Variants in PDE11A observed in about 807,000 individuals in gnomAD.
PDE11A encodes the protein phosphodiesterase 11A, also known as dual 3',5'-cyclic-AMP and -GMP phosphodiesterase 11A.
PDE11A carries 100 observed loss-of-function variants against 100.5 expected under a neutral mutation model. The ratio of observed to expected loss-of-function variants is 1.00; its 90% CI spans 0.85 to 1.18. PDE11A has a LOEUF of 1.18. PDE11A is among the 50% of genes most tolerant of loss of function. The pLI is 0.00. For missense variants in PDE11A, 1,141 were observed against 1,152.6 expected, an observed-to-expected ratio of 0.99 and a Z score of 0.15; for synonymous variants, 381 against 420.8, an observed-to-expected ratio of 0.91 and a Z score of 1.16.
At chr2:177,646,797 T>C (rs2080230107) in intron 19 of PDE11A, among the ~76,000 whole-genome samples, 1 of 152,252 alleles carries the variant, frequency 6.6e-6, no homozygotes, top group Admixed American at 6.5e-5. Flanking sequence ...GTGCATCTTT[T>C]ATCTTTGACT....
intron 1 of PDE11A, among the ~76,000 whole-genome samples, chr2:178,017,530 G>A (rs989688467): frequency 3.9e-5 from 6 of 152,108 alleles, no homozygotes; most frequent in Non-Finnish European, 7.3e-5. Flanking sequence ...TGTAGCAAAA[G>A]TATAAAAGCA....
At chr2:177,982,111 G>A (rs546880532) in intron 2 of PDE11A, among the ~76,000 whole-genome samples, 4 of 151,072 alleles carry the variant, frequency 2.6e-5, no homozygotes, top group Non-Finnish European at 5.9e-5. Flanking sequence ...ACGAATGGAA[G>A]AGAACGGCTC....
At chr2:177,919,500 T>G (rs1314805415) in intron 2 of PDE11A, among the ~76,000 whole-genome samples, 1 of 152,174 alleles carries the variant, frequency 6.6e-6, no homozygotes, top group Non-Finnish European at 1.5e-5. Flanking sequence ...ATAAACTGAT[T>G]GTTCAATGTT....
At chr2:177,727,356 CAAAAAGATTACTTT>C (rs956851954) in intron 12 of PDE11A, among the ~76,000 whole-genome samples, 4 of 152,024 alleles carry the variant, frequency 2.6e-5, no homozygotes, top group African/African-American at 9.7e-5. Flanking sequence ...ATTTCCTCTG[CAAAAAGATTACTTT>C]AAAAATCTGA....
chr2:177,896,578 G>A (rs2084615491), intron 4 of PDE11A, among the ~76,000 whole-genome samples: 1 of 152,090 alleles, frequency 6.6e-6, no homozygotes, highest in Non-Finnish European at 1.5e-5. Flanking sequence ...TTTGTTTAAT[G>A]GGGGCTTCTC....
intron 2 of PDE11A, among the ~76,000 whole-genome samples, chr2:177,996,589 G>A (rs2086079063): frequency 2.0e-5 from 3 of 151,714 alleles, no homozygotes; most frequent in Non-Finnish European, 4.4e-5. Flanking sequence ...CATAATATAT[G>A]GAAAAAAGTT....
chr2:177,999,164 T>C (rs916023728), intron 2 of PDE11A, among the ~76,000 whole-genome samples: 1 of 152,076 alleles, frequency 6.6e-6, no homozygotes, highest in Non-Finnish European at 1.5e-5. Flanking sequence ...GCAATGGACA[T>C]TTATAGGTTC....
chr2:177,828,784 G>T (rs1443620812), intron 6 of PDE11A, among the ~76,000 whole-genome samples: 1 of 152,176 alleles, frequency 6.6e-6, no homozygotes, highest in Non-Finnish European at 1.5e-5. Flanking sequence ...GTGCCAGATG[G>T]TGTATGGCAT....
intron 2 of PDE11A, among the ~76,000 whole-genome samples, chr2:178,005,781 C>CACTGTA (rs1204743208): frequency 2.6e-5 from 4 of 152,212 alleles, no homozygotes; most frequent in Non-Finnish European, 4.4e-5. Context: ...CCAGATTCAG[C>CACTGTA]ACTGTAACAG....
At position 177,728,315 on chromosome 2, in the gene PDE11A, T is replaced by C. The variant is rs1032175795; in HGVS notation, c.1789-143A>G. ...ACCCTGATACAGCTAAACTCTGAGC[T>C]GTAAATGTCTTTTGTTTCTGAACTG... is the stretch of plus-strand genomic sequence containing the variant. On this transcript the variant is annotated intron_variant, in intron 10 of 19. Transcript: ENST00000286063. 5 of 569,550 alleles carry C rather than the reference T, an allele frequency of 8.8e-6. No individual in the cohort carries two copies. The African/African-American group carries it at 1.0e-4, about 12-fold the overall frequency. 35.3% of individuals were successfully genotyped at this position (569,550 alleles called of 1,614,324 possible). A position where few individuals can be genotyped will look rare whatever the true frequency, so the allele number is the denominator to read the frequency against.
At chr2:177,790,198 T>C (rs924209494) in intron 9 of PDE11A, among the ~76,000 whole-genome samples, 1 of 146,682 alleles carries the variant, frequency 6.8e-6, no homozygotes, top group African/African-American at 2.5e-5. Context: ...GAGATATAGA[T>C]CAATGGAACA....
intron 2 of PDE11A, among the ~76,000 whole-genome samples, chr2:177,961,567 T>C (rs2085633521): frequency 6.6e-6 from 1 of 152,210 alleles, no homozygotes; most frequent in Non-Finnish European, 1.5e-5. Flanking sequence ...TTTACTTACA[T>C]TTAATTTTAT....
intron 1 of PDE11A, among the ~76,000 whole-genome samples, chr2:178,069,180 G>C (rs2087091201): frequency 6.6e-6 from 1 of 152,106 alleles, no homozygotes; most frequent in African/African-American, 2.4e-5. Flanking sequence ...TAGGGGCTTT[G>C]ACACAATATC....
chr2:177,700,428 C>T (rs1195266791), intron 14 of PDE11A, among the ~76,000 whole-genome samples: 1 of 149,066 alleles, frequency 6.7e-6, no homozygotes, highest in Non-Finnish European at 1.5e-5. Flanking sequence ...AGTCTGTACG[C>T]TTGCAGAAAA....
intron 2 of PDE11A, among the ~76,000 whole-genome samples, chr2:177,908,526 G>C (rs1461917346): frequency 6.6e-6 from 1 of 152,196 alleles, no homozygotes; most frequent in Non-Finnish European, 1.5e-5. Flanking sequence ...TAGTGAAAGG[G>C]AGGGAAATGG....
chr2:177,787,078 A>C (rs13023528), intron 9 of PDE11A, among the ~76,000 whole-genome samples: 127,856 of 131,962 alleles, frequency 0.97, 62,081 homozygotes, highest in East Asian at 1. Flanking sequence ...CTCCAAGACA[A>C]ATAATTGTCA....
At chr2:177,867,323 C>T (rs2084046828) in intron 5 of PDE11A, among the ~76,000 whole-genome samples, 1 of 152,166 alleles carries the variant, frequency 6.6e-6, no homozygotes, top group South Asian at 2.1e-4. Context: ...GAGTGAGTCA[C>T]ATAAAACCTT....
At chr2:178,045,174 T>C (rs528580311) in intron 1 of PDE11A, among the ~76,000 whole-genome samples, 2 of 152,282 alleles carry the variant, frequency 1.3e-5, no homozygotes, top group East Asian at 3.9e-4. Context: ...TACATCTCTT[T>C]GTTTTATGAT....
intron 5 of PDE11A, among the ~76,000 whole-genome samples, chr2:177,856,806 G>A (rs1354736350): frequency 1.3e-5 from 2 of 151,908 alleles, no homozygotes; most frequent in African/African-American, 2.4e-5. Flanking sequence ...TAACATGTGG[G>A]ATACCATCAA....
Sources: allele counts gnomAD v4.1 joint callset (sites outside exome capture counted in the v4.1 genomes callset), GRCh38; gene constraint gnomAD v4.1.1; transcripts MANE v1.5; gene names NCBI Gene and HGNC (gene_info 2026-07-23, HGNC 2026-07-21).